VWA8: variants seen among roughly 807,000 people sequenced by gnomAD.
VWA8 encodes the protein von Willebrand factor A domain containing 8.
Under a neutral mutation model 241.5 loss-of-function variants are expected in VWA8, and 221 were observed. That is an observed-to-expected ratio of 0.91 (90% CI 0.82 to 1.02). The LOEUF (loss-of-function observed/expected upper bound fraction) is 1.02, where lower values mean the gene tolerates loss of function less well. Among genes scored for constraint, VWA8 ranks in the 50% least tolerant of loss-of-function variants. VWA8 has a pLI of 0.00. For missense variants in VWA8, 2,322 were observed against 2,328.7 expected, an observed-to-expected ratio of 1.00 and a Z score of 0.06; for synonymous variants, 852 against 827.1, an observed-to-expected ratio of 1.03 and a Z score of -0.52.
At chr13:41,936,755 T>C (rs1002860900) in intron 2 of VWA8, among the ~76,000 whole-genome samples, 4 of 152,226 alleles carry the variant, frequency 2.6e-5, no homozygotes, top group African/African-American at 9.6e-5. Context: ...ATTTTAAATG[T>C]TCTCACCACA....
intron 9 of VWA8, among the ~76,000 whole-genome samples, chr13:41,883,122 A>G (rs1265435497): frequency 6.6e-6 from 1 of 152,116 alleles, no homozygotes; most frequent in African/African-American, 2.4e-5. Flanking sequence ...CATTTGCTCA[A>G]TCTATTTACT....
rs9741792 is a variant in VWA8, at chr13:41,619,374, G to C, written c.4612-4290C>G. On this transcript the variant is annotated intron_variant, in intron 37 of 44. Transcript: ENST00000379310. ...TCAGCTTAAGGAGATTTTGGGCTGA[G>C]ACAATGGGGTTTTCTAAATGTACAA... Among the ~76,000 whole-genome samples, 735 of 152,322 alleles carry C rather than the reference G, an allele frequency of 4.8e-3. 4 individuals are homozygous for C. Among genetic ancestry groups the C allele is most frequent in the African/African-American group, 0.017 (700 of 41,576 alleles).
At chr13:41,631,696 T>A (rs963972664) in intron 37 of VWA8, among the ~76,000 whole-genome samples, 1 of 152,198 alleles carries the variant, frequency 6.6e-6, no homozygotes, top group African/African-American at 2.4e-5. Flanking sequence ...TCTGGGAATA[T>A]GGAATGCAGA....
At position 41,778,029 on chromosome 13, in the gene VWA8, T is replaced by C; in HGVS notation, c.2305A>G (p.Lys769Glu). The change falls in exon 20 of 45, where the codon AAA becomes GAA. Residue 769 changes from lysine (K) to glutamate (E), a missense_variant. Physicochemically the swap from Lys to Glu is moderately conservative, Grantham distance 56 (BLOSUM62 1). Coordinates refer to ENST00000379310, the MANE Select transcript of VWA8 (RefSeq NM_015058.2). ...AAGTGTTCTCCAAGGAGAAAGTCTT[T>C]CAGCATATCTTCCATCACTATCACA... ...QHVIVMEDML[K>E]DFLLGEHLLL... The C allele has an allele frequency of 3.1e-6, 5 of 1,612,426 alleles. No individual in the cohort carries two copies. The highest frequency in any genetic ancestry group is 4.2e-6 in the Non-Finnish European group (5 of 1,179,456).
At chr13:41,877,126 AATT>A (rs1172109246) in intron 9 of VWA8, among the ~76,000 whole-genome samples, 2 of 152,194 alleles carry the variant, frequency 1.3e-5, no homozygotes, top group East Asian at 3.9e-4. Flanking sequence ...TAGTATATGG[AATT>A]ATTTAGCCCC....
chr13:41,857,048 G>GTAGACATTATCAAC (rs1444337328), intron 12 of VWA8, among the ~76,000 whole-genome samples: 1 of 151,966 alleles, frequency 6.6e-6, no homozygotes, highest in East Asian at 1.9e-4. Flanking sequence ...TATATATTAG[G>GTAGACATTATCAAC]TAGACATTAT....
chr13:41,665,116 C>T (rs2044977905), intron 37 of VWA8, among the ~76,000 whole-genome samples: 1 of 152,118 alleles, frequency 6.6e-6, no homozygotes, highest in African/African-American at 2.4e-5. Flanking sequence ...TTATGTAACT[C>T]ATTGGATCAT....
chr13:41,640,777 T>C (rs935635994), intron 37 of VWA8, among the ~76,000 whole-genome samples: 14 of 152,210 alleles, frequency 9.2e-5, no homozygotes, highest in African/African-American at 3.4e-4. Context: ...ATTCATCTGT[T>C]GTTTGATGGC....
intron 2 of VWA8, among the ~76,000 whole-genome samples, chr13:41,920,353 CT>C (rs1876460433): frequency 6.6e-6 from 1 of 152,118 alleles, no homozygotes; most frequent in Admixed American, 6.5e-5. Context: ...TTCCTGCCCC[CT>C]GGGTGTAAGC....
rs771799263 is a variant in VWA8 at position 41,675,197 on chromosome 13, A to C, written c.4409+18T>G. ...TTTTATGACATACTAAGCTAAGAAC[A>C]AAGGTGAAATGGATTACCTGGGAAT... On this transcript the variant is annotated intron_variant, in intron 36 of 44. Transcript: ENST00000379310. The C allele has an allele frequency of 1.8e-5, 28 of 1,587,722 alleles. No homozygotes were observed. Among genetic ancestry groups the C allele is most frequent in the Non-Finnish European group, 2.4e-5 (28 of 1,157,688 alleles).
At chr13:41,668,772 A>G (rs1415952571) in intron 37 of VWA8, among the ~76,000 whole-genome samples, 2 of 152,250 alleles carry the variant, frequency 1.3e-5, no homozygotes, top group African/African-American at 2.4e-5. Flanking sequence ...CTGTTTGAAC[A>G]TAAGAATACA....
At chr13:41,568,334 A>G in intron 44 of VWA8, 29 bp from the exon 45 acceptor site, 1 of 1,596,294 alleles carries the variant, frequency 6.3e-7, no homozygotes, top group Admixed American at 1.7e-5. Context: ...AAAGGAAGTT[A>G]CCACTGTAAA....
At chr13:41,668,377 G>A (rs2045000628) in intron 37 of VWA8, among the ~76,000 whole-genome samples, 1 of 152,128 alleles carries the variant, frequency 6.6e-6, no homozygotes, top group Admixed American at 6.6e-5. Context: ...TGTCAGTGAT[G>A]GGGAAGCTGC....
intron 32 of VWA8, among the ~76,000 whole-genome samples, chr13:41,690,847 G>A (rs1462182863): frequency 2.6e-5 from 4 of 152,102 alleles, no homozygotes; most frequent in African/African-American, 9.7e-5. Flanking sequence ...GAACTGCACA[G>A]TCCAATGGGT....
At chr13:41,597,686 C>A (rs12584430) in intron 40 of VWA8, among the ~76,000 whole-genome samples, 48,843 of 151,746 alleles carry the variant, frequency 0.32, 8,530 homozygotes, top group South Asian at 0.41. Flanking sequence ...TTAAAAGGAG[C>A]TGGGAACATC....
In VWA8 at chr13:41,575,722, GTAA is replaced by G. The variant is rs757608453; in HGVS notation, c.5370+15_5370+17del. 2 of 1,566,224 alleles carry G rather than the reference GTAA, an allele frequency of 1.3e-6. No individual in the cohort carries two copies. ...TGATAGAAGCTTTCATAATACAGAG[GTAA>G]TAAAATATATTTACCTTCAGAATTT... On this transcript the variant is annotated intron_variant, in intron 43 of 44. Coordinates refer to ENST00000379310, the MANE Select transcript of VWA8 (RefSeq NM_015058.2).
At chr13:41,718,700 T>C (rs1190944418) in intron 26 of VWA8, among the ~76,000 whole-genome samples, 1 of 136,516 alleles carries the variant, frequency 7.3e-6, no homozygotes, top group Non-Finnish European at 1.6e-5. Flanking sequence ...TTGGAGATTA[T>C]ATATATATAT....
At chr13:41,717,507 T>A (rs1027244898) in intron 26 of VWA8, among the ~76,000 whole-genome samples, 1 of 151,902 alleles carries the variant, frequency 6.6e-6, no homozygotes, top group African/African-American at 2.4e-5. Context: ...GGTGAACATA[T>A]GACTAACTGC....
At chr13:41,851,553 G>C (rs1370728982) in intron 12 of VWA8, among the ~76,000 whole-genome samples, 2 of 152,148 alleles carry the variant, frequency 1.3e-5, no homozygotes, top group Admixed American at 1.3e-4. Flanking sequence ...TAGTGAATAA[G>C]TCTCATAAGA....
Sources: gnomAD v4.1 joint callset for allele counts (sites outside exome capture counted in the v4.1 genomes callset) on GRCh38, gnomAD v4.1.1 for gene constraint, MANE v1.5 for transcripts, NCBI Gene and HGNC (gene_info 2026-07-23, HGNC 2026-07-21) for gene names.